FLCN: variants seen among roughly 807,000 people sequenced by gnomAD.
The protein encoded by FLCN is folliculin.
FLCN carries 22 observed loss-of-function variants against 62.5 expected under a neutral mutation model. That is an observed-to-expected ratio of 0.35 (90% CI 0.25 to 0.50). The LOEUF (loss-of-function observed/expected upper bound fraction) is 0.50. Among genes scored for constraint, FLCN ranks in the 20% least tolerant of loss-of-function variants. FLCN has a pLI of 0.97. For synonymous variants in FLCN, 319 were observed against 310.0 expected, an observed-to-expected ratio of 1.03 and a Z score of -0.30; for missense variants, 657 against 778.0, an observed-to-expected ratio of 0.84 and a Z score of 1.85.
chr17:17,221,499 T>A (rs527294945), intron 8 of FLCN, 38 bp downstream of exon 8: 1 of 1,613,778 alleles, frequency 6.2e-7, no homozygotes, highest in African/African-American at 1.3e-5. Flanking sequence ...CCCACGGCCA[T>A]CCGGGCCAAG....
intron 11 of FLCN, among the ~76,000 whole-genome samples, chr17:17,215,995 G>C (rs765429158): frequency 1.3e-5 from 2 of 152,188 alleles, no homozygotes; most frequent in South Asian, 4.1e-4. Flanking sequence ...GTCAGGACAG[G>C]GGAACAGTAG....
In FLCN at chr17:17,215,001, T is replaced by G; in HGVS notation, c.1522A>C (p.Lys508Gln). Residue 508 changes from lysine to glutamine, a missense_variant, in exon 13 of 14, where the codon AAG becomes CAG. Coordinates refer to ENST00000285071, the MANE Select transcript of FLCN (RefSeq NM_144997.7). ...DVVDQCLVCL[K>Q]EEWMNKVKVL... is the part of the protein sequence containing the mutation. ...GTTGCTTACTTCATCCACTCCTCCTTGAGGCAGACGAGGCACTGGTCCACC... is the reference window on the plus strand; with the variant it reads ...GTTGCTTACTTCATCCACTCCTCCTGGAGGCAGACGAGGCACTGGTCCACC... 6.2e-7 allele frequency: 1 copy of G among 1,614,080 alleles called. No homozygotes were observed. Among genetic ancestry groups the G allele is most frequent in the South Asian group, 1.1e-5 (1 of 91,080 alleles).
chr17:17,221,282 C>T, intron 8 of FLCN: 1 of 1,547,770 alleles, frequency 6.5e-7, no homozygotes. Context: ...TCTCTACAGA[C>T]AGCCCACCTG....
intron 3 of FLCN, chr17:17,231,416 T>C (rs1380378886): frequency 6.6e-6 from 1 of 151,982 alleles, no homozygotes; most frequent in African/African-American, 2.4e-5. Flanking sequence ...GTAGGTGCAC[T>C]CCGAGAGGGA....
chr17:17,223,739 G>A (rs764688656), intron 6 of FLCN, among the ~76,000 whole-genome samples, 183 bp downstream of exon 6: 2 of 152,224 alleles, frequency 1.3e-5, no homozygotes, highest in African/African-American at 2.4e-5. Context: ...CAAAGCAGGC[G>A]GGATGGCCTG....
intron 3 of FLCN, among the ~76,000 whole-genome samples, chr17:17,229,912 G>A (rs1416480837): frequency 6.6e-6 from 1 of 152,212 alleles, no homozygotes; most frequent in African/African-American, 2.4e-5. Flanking sequence ...GTGAAGGCCA[G>A]GGGCAGCTGC....
chr17:17,216,370 G>T lies in FLCN; in HGVS notation c.1300+10C>A, dbSNP rs779288100. 1.2e-6 allele frequency: 2 copies of T among 1,613,200 alleles called. No homozygotes were observed. Among genetic ancestry groups the T allele is most frequent in the Non-Finnish European group, 1.7e-6 (2 of 1,179,616 alleles). ...CAGGGCATGGCCCCACAGCCCGCGG[G>T]GGCACGCACCTGAGGAGAGCACGTG... On this transcript the variant is annotated intron_variant, in intron 11 of 13. Transcript: ENST00000285071. This position sits in a 1 kb window ranked among gnomAD's most constrained non-coding sequence, Gnocchi z 4.0.
chr17:17,231,281 T>C (rs1325551560), intron 3 of FLCN, among the ~76,000 whole-genome samples: 1 of 152,164 alleles, frequency 6.6e-6, no homozygotes, highest in Non-Finnish European at 1.5e-5. Flanking sequence ...GTCCTGAGTG[T>C]TTGCTAGGCA....
Position 17,212,523 on chromosome 17 carries a change from G to A in FLCN, c.*1132C>T, listed in dbSNP as rs960030868. ...AAAAGGGCCAGGCACAGTGGCTCACGCTTGTAATCCCAGCACTTTGGGAGG... is the reference window on the plus strand; with the variant it reads ...AAAAGGGCCAGGCACAGTGGCTCACACTTGTAATCCCAGCACTTTGGGAGG... On this transcript the variant is annotated 3_prime_UTR_variant, in exon 14 of 14. Coordinates refer to ENST00000285071, the MANE Select transcript of FLCN (RefSeq NM_144997.7). The A allele has an allele frequency of 1.2e-5, 2 of 160,242 alleles. No individual in the cohort carries two copies. Among genetic ancestry groups the A allele is most frequent in the Non-Finnish European group, 2.7e-5 (2 of 75,050 alleles). 9.9% of individuals were successfully genotyped at this position (160,242 alleles called of 1,614,324 possible).
intron 5 of FLCN, 61 bp from the exon 6 acceptor site, chr17:17,224,204 C>T: frequency 6.8e-7 from 1 of 1,460,256 alleles, no homozygotes; most frequent in Non-Finnish European, 9.4e-7. Flanking sequence ...AAATCAAAGC[C>T]TCTTCTTCAG....
intron 8 of FLCN, chr17:17,221,095 G>T: frequency 7.8e-7 from 1 of 1,281,804 alleles, no homozygotes; most frequent in Non-Finnish European, 1.0e-6. Flanking sequence ...CCAAGCCCCA[G>T]ATCAGGAACC....
Position 17,215,143 on chromosome 17 carries a change from G to A in FLCN, c.1432+42C>T, listed in dbSNP as rs532889100. ...GGGCAGGCGTTAGCGCGGGGCGGGGGCATCTTCTCACAAAAAGGACACTCT... is the reference window on the plus strand; with the variant it reads ...GGGCAGGCGTTAGCGCGGGGCGGGGACATCTTCTCACAAAAAGGACACTCT... On this transcript the variant is annotated intron_variant, in intron 12 of 13. Coordinates refer to ENST00000285071, the MANE Select transcript of FLCN (RefSeq NM_144997.7). The A allele has an allele frequency of 4.5e-4, 733 of 1,613,990 alleles. 3 individuals carry two copies. The South Asian group carries it at 7.6e-3, about 17-fold the overall frequency.
At chr17:17,226,676 G>T (rs1337890230) in intron 4 of FLCN, among the ~76,000 whole-genome samples, 2 of 152,222 alleles carry the variant, frequency 1.3e-5, no homozygotes, top group African/African-American at 2.4e-5. Context: ...GCTGAAGTGA[G>T]AAGTAGCTGG....
chr17:17,236,546 T>A (rs988707453), intron 1 of FLCN, among the ~76,000 whole-genome samples: 2 of 152,154 alleles, frequency 1.3e-5, no homozygotes, highest in African/African-American at 4.8e-5. Flanking sequence ...TACTCTCAAC[T>A]GGAGAGAAGC....
At chr17:17,226,073 A>C in intron 5 of FLCN, 103 bp downstream of exon 5, 1 of 1,519,268 alleles carries the variant, frequency 6.6e-7, no homozygotes, top group Non-Finnish European at 9.0e-7. Context: ...CTGAGAGAGG[A>C]CCAGTGCCTG....
intron 3 of FLCN, chr17:17,228,927 T>G (rs1597620709): frequency 1.3e-5 from 2 of 152,240 alleles, no homozygotes; most frequent in East Asian, 3.9e-4. Context: ...TGAGAAAATG[T>G]GAATTTCACT....
rs2047225706 is a variant in FLCN at position 17,225,713 on chromosome 17, C to T, written c.396+463G>A. The T allele has an allele frequency of 1.5e-5, 4 of 265,804 alleles. No individual in the cohort carries two copies. In the South Asian group the frequency reaches 1.5e-4, roughly 10 times the overall value. The allele number at this position is 265,804 out of a possible 1,614,324, so 16.5% of individuals were successfully genotyped here. ...GCAACCGAGTGAGACTCTGTCTTAACAACAACAAAAAACAAACCCCAGTTG... is the reference window on the plus strand; with the variant it reads ...GCAACCGAGTGAGACTCTGTCTTAATAACAACAAAAAACAAACCCCAGTTG... On this transcript the variant is annotated intron_variant, in intron 5 of 13. Transcript: ENST00000285071.
chr17:17,224,370 C>T (rs1000464940), intron 5 of FLCN: 5 of 578,710 alleles, frequency 8.6e-6, no homozygotes, highest in Non-Finnish European at 1.2e-5. Flanking sequence ...GGTAACAAGG[C>T]TTATTGCTTT....
intron 1 of FLCN, among the ~76,000 whole-genome samples, chr17:17,233,501 A>T (rs900051322): frequency 6.8e-6 from 1 of 146,458 alleles, no homozygotes; most frequent in Admixed American, 7.0e-5. Flanking sequence ...CGGGAGGCTG[A>T]GGCAGGAGAA....
Sources: gnomAD v4.1 joint callset for allele counts (sites outside exome capture counted in the v4.1 genomes callset) on GRCh38, gnomAD v4.1.1 for gene constraint, Gnocchi (gnomAD v3.1) non-coding constraint, MANE v1.5 for transcripts, NCBI Gene and HGNC (gene_info 2026-07-23, HGNC 2026-07-21) for gene names.